TRIOBP: variants seen among roughly 807,000 people sequenced by gnomAD.
TRIOBP encodes the protein TRIO and F-actin binding protein.
A neutral mutation model predicts 238.8 loss-of-function variants in TRIOBP; 169 were observed. The observed-to-expected ratio is 0.71, with a 90% CI of 0.62 to 0.80. TRIOBP has a LOEUF of 0.80. Ranked by LOEUF, TRIOBP falls within the 30% of genes least tolerant of loss-of-function variation. The pLI, the probability that TRIOBP is intolerant of heterozygous loss-of-function variation, is 0.00. For synonymous variants in TRIOBP, 1,150 were observed against 1,274.4 expected (o/e 0.90, Z 2.08); for missense variants, 2,838 against 3,122.6 (o/e 0.91, Z 2.17).
chr22:37,770,125 A>G (rs890598118), intron 21 of TRIOBP, among the ~76,000 whole-genome samples: 1 of 143,868 alleles, frequency 7.0e-6, no homozygotes, highest in African/African-American at 2.6e-5. Context: ...GCTCACCACA[A>G]CCTCCGCCTC....
intron 3 of TRIOBP, among the ~76,000 whole-genome samples, chr22:37,705,151 G>T (rs963674799): frequency 1.3e-5 from 2 of 152,024 alleles, no homozygotes; most frequent in Admixed American, 6.6e-5. Context: ...GAGACGGGTG[G>T]ATCACCTGAG....
chr22:37,719,989 C>CACACTGCACCCACTGTTTCACTCAT, intron 6 of TRIOBP, among the ~76,000 whole-genome samples: 1 of 71,206 alleles, frequency 1.4e-5, no homozygotes, highest in Non-Finnish European at 2.5e-5. Flanking sequence ...TTTCACTCAT[C>CACACTGCACCCACTGTTTCACTCAT]CCCCCCCGCC....
chr22:37,728,442 G>GA (rs973345851), intron 7 of TRIOBP, among the ~76,000 whole-genome samples: 3 of 151,546 alleles, frequency 2.0e-5, no homozygotes, highest in East Asian at 3.9e-4. Context: ...CTCAAAAAAA[G>GA]AAAAAAAAGA....
chr22:37,723,051 T>A (rs1923914325), intron 6 of TRIOBP, 134 bp from the exon 7 acceptor site: 1 of 840,548 alleles, frequency 1.2e-6, no homozygotes, highest in Non-Finnish European at 1.9e-6. Flanking sequence ...AGTCACTTGG[T>A]ACAGACAGTG....
chr22:37,766,124 G>A (rs1926483609), intron 18 of TRIOBP, among the ~76,000 whole-genome samples: 10 of 152,198 alleles, frequency 6.6e-5, no homozygotes, highest in Admixed American at 6.5e-4. Flanking sequence ...CTACCCACGT[G>A]CGTGGGGGAG....
Position 37,757,775 on chromosome 22 carries a change from G to A in TRIOBP, c.5850G>A (p.Pro1950=), listed in dbSNP as rs772971025. 2.6e-5 allele frequency: 41 copies of A among 1,550,514 alleles called. No individual in the cohort carries two copies. The highest frequency in any genetic ancestry group is 3.4e-5 in the Non-Finnish European group (39 of 1,147,074). Reference sequence around the variant, plus strand: ...CCTTGGACTACGTGGAGCTCTCGCCGCTGACCCAGGCTTCCCCGCAGCGGG... The same window carrying A: ...CCTTGGACTACGTGGAGCTCTCGCCACTGACCCAGGCTTCCCCGCAGCGGG... ...RQALDYVELS[P]LTQASPQRAR... is the part of the protein sequence containing the mutation. The change falls in exon 16 of 24, where the codon CCG becomes CCA. Residue 1950 remains proline (P), a synonymous_variant. Transcript: ENST00000644935.
At chr22:37,746,309 G>A in intron 11 of TRIOBP, 1 of 1,125,708 alleles carries the variant, frequency 8.9e-7, no homozygotes, top group South Asian at 4.3e-5. Context: ...GGGCGGCCGA[G>A]AGGGGCGGCG....
chr22:37,755,733 C>T (rs1038430791), intron 15 of TRIOBP, 74 bp downstream of exon 15: 2 of 1,279,952 alleles, frequency 1.6e-6, no homozygotes, highest in African/African-American at 1.5e-5. Context: ...TCTAGGTACT[C>T]ACCTGAGGGC....
intron 17 of TRIOBP, among the ~76,000 whole-genome samples, chr22:37,760,906 A>G (rs1272336294): frequency 6.6e-6 from 1 of 151,340 alleles, no homozygotes; most frequent in Non-Finnish European, 1.5e-5. Flanking sequence ...CAGGAGGCGC[A>G]GGTTGCAGTG....
chr22:37,725,277 C>A lies in TRIOBP; in HGVS notation c.2721C>A (p.Ala907=). ...PHRTNKDIPW[A]SFPLRPTQSD... ...GTACTAACAAAGACATCCCCTGGGC[C>A]TCGTTTCCCCTCCGGCCAACTCAGA... The change falls in exon 7 of 24, where the codon GCC becomes GCA. Residue 907 remains alanine, a synonymous_variant. Coordinates refer to ENST00000644935, the MANE Select transcript of TRIOBP (RefSeq NM_001039141.3). The A allele has an allele frequency of 6.2e-7, 1 of 1,613,990 alleles. No homozygotes were observed. Among genetic ancestry groups the A allele is most frequent in the South Asian group, 1.1e-5 (1 of 91,080 alleles).
chr22:37,745,863 G>A (rs1471972189), intron 11 of TRIOBP, among the ~76,000 whole-genome samples: 2 of 152,176 alleles, frequency 1.3e-5, no homozygotes, highest in African/African-American at 4.8e-5. Flanking sequence ...CCGGGGCCGG[G>A]TCGGGAAGCG....
chr22:37,771,628 A>G (rs368127052), intron 21 of TRIOBP, 22 bp from the exon 22 acceptor site: 1 of 1,611,038 alleles, frequency 6.2e-7, no homozygotes, highest in Non-Finnish European at 8.5e-7. Context: ...GCCCTGGGTC[A>G]GTCCAGCACC....
At chr22:37,768,511 G>A (rs1926609722) in intron 19 of TRIOBP, among the ~76,000 whole-genome samples, 1 of 152,098 alleles carries the variant, frequency 6.6e-6, no homozygotes. Context: ...AGGTTTCAGG[G>A]GCTTTAACTT....
intron 22 of TRIOBP, 126 bp downstream of exon 22, chr22:37,771,862 C>T (rs1297932252): frequency 2.3e-6 from 2 of 853,688 alleles, no homozygotes; most frequent in Non-Finnish European, 1.9e-6. Flanking sequence ...TCCTGTGCTT[C>T]TCCCATGTAG....
At chr22:37,741,430 A>T (rs1370905362) in intron 11 of TRIOBP, among the ~76,000 whole-genome samples, 3 of 152,176 alleles carry the variant, frequency 2.0e-5, no homozygotes, top group African/African-American at 7.2e-5. Context: ...AGTTTCACAA[A>T]CATCTGGCGT....
intron 10 of TRIOBP, 46 bp downstream of exon 10, chr22:37,738,765 G>A (rs1924804557): frequency 1.3e-6 from 2 of 1,598,768 alleles, no homozygotes; most frequent in Admixed American, 1.7e-5. Context: ...GAAGGGAGGG[G>A]GAAGCAGGTT....
In TRIOBP at chr22:37,735,352, A is replaced by T. The variant is rs757075443; in HGVS notation, c.5016A>T (p.Gly1672=). Residue 1672 remains glycine (G), a synonymous_variant, in exon 9 of 24, where the codon GGA becomes GGT. Transcript: ENST00000644935. The part of the protein sequence containing the change: ...TQWPKIKVTR[G]PATATLAGLE... ...GGCCAAAGATCAAAGTGACAAGAGG[A>T]CCAGCGACCGCAACTCTGGCAGGCC... The T allele has an allele frequency of 7.3e-5, 118 of 1,612,960 alleles. No individual in the cohort carries two copies. The highest frequency in any genetic ancestry group is 3.0e-4 in the Admixed American group (18 of 59,950).
Position 37,725,624 on chromosome 22 carries a change from C to T in TRIOBP, c.3068C>T (p.Ala1023Val), listed in dbSNP as rs201681832. 2.0e-4 allele frequency: 315 copies of T among 1,613,844 alleles called. 1 individual carries two copies. In the African/African-American group the frequency reaches 3.7e-3, roughly 19 times the overall value. Residue 1023 changes from alanine to valine, a missense_variant, in exon 7 of 24, where the codon GCC (alanine) becomes GTC (valine). Physicochemically the swap from Ala to Val is moderately conservative, Grantham distance 64. Transcript: ENST00000644935. Reference protein sequence around the residue: ...PCAVCIGHRDAPRASSPPRYL... With the variant: ...PCAVCIGHRDVPRASSPPRYL... ...GCTGTGTGCATTGGGCACCGGGATG[C>T]CCCTCGAGCCTCTTCGCCCCCTCGC... is the stretch of plus-strand genomic sequence containing the variant.
Position 37,757,999 on chromosome 22 carries a change from A to G in TRIOBP, c.6074A>G (p.Glu2025Gly), listed in dbSNP as rs542203751. The G allele has an allele frequency of 6.2e-7, 1 of 1,602,276 alleles. No individual in the cohort carries two copies. Among genetic ancestry groups the G allele is most frequent in the Admixed American group, 1.7e-5 (1 of 58,102 alleles). Residue 2025 changes from glutamate to glycine, a missense_variant, in exon 16 of 24, where the codon GAG becomes GGG. Around this residue, in one of 5 missense-constraint regions of TRIOBP, gnomAD observed 2,096 missense variants for 2,137.4 expected, o/e 0.98. Transcript: ENST00000644935. ...TEDQQNRLSE[E>G]IEKKWQELEK... is the part of the protein sequence containing the mutation. ...GACCAGCAAAACCGGCTTAGTGAGG[A>G]GATCGAGAAGAAGTGGCAGGAGCTG...
Sources: allele counts gnomAD v4.1 joint callset (sites outside exome capture counted in the v4.1 genomes callset), GRCh38; gene constraint gnomAD v4.1.1; regional missense constraint gnomAD v4.1.1; transcripts MANE v1.5; gene names NCBI Gene and HGNC (gene_info 2026-07-23, HGNC 2026-07-21).